NAF1: variants seen among roughly 807,000 people sequenced by gnomAD.
NAF1 encodes the protein H/ACA ribonucleoprotein complex non-core subunit NAF1.
A neutral mutation model predicts 40.6 loss-of-function variants in NAF1; 11 were observed. The observed-to-expected ratio is 0.27, with a 90% CI of 0.17 to 0.45. The LOEUF (loss-of-function observed/expected upper bound fraction) is 0.45. Ranked by LOEUF, NAF1 falls within the 20% of genes least tolerant of loss-of-function variation. The probability of loss-of-function intolerance (pLI) is 1.00; values close to 1 mark genes in which losing one functional copy is unlikely to be tolerated. For missense variants in NAF1, 607 were observed against 611.1 expected, an observed-to-expected ratio of 0.99 and a Z score of 0.07; for synonymous variants, 260 against 228.5, an observed-to-expected ratio of 1.14 and a Z score of -1.24.
chr4:163,156,245 A>T (rs1731981116), intron 2 of NAF1, among the ~76,000 whole-genome samples: 1 of 117,408 alleles, frequency 8.5e-6, no homozygotes, highest in Non-Finnish European at 1.8e-5. Flanking sequence ...AAAGAATTAG[A>T]TGTAAAAGGC....
chr4:163,150,490 A>G (rs1291595047), intron 2 of NAF1, among the ~76,000 whole-genome samples: 2 of 152,154 alleles, frequency 1.3e-5, no homozygotes, highest in Non-Finnish European at 2.9e-5. Flanking sequence ...AATACAAGGT[A>G]CCCTTTTTAC....
Position 163,118,076 on chromosome 4 carries a change from G to A in NAF1, c.115-7786C>T, listed in dbSNP as rs183489917. On this transcript the variant is annotated intron_variant, in intron 2 of 2. Transcript: ENST00000509434. ...ATGAACAACTGACCTGGAAATCTGT[G>A]CTAAAATAGGTTTATGATACCTTGT... is the stretch of plus-strand genomic sequence containing the variant. Among the ~76,000 whole-genome samples the A allele has an allele frequency of 1.8e-3, 274 of 152,100 alleles. 1 individual carries two copies. Among genetic ancestry groups the A allele is most frequent in the Middle Eastern group, 3.4e-3 (1 of 294 alleles).
intron 3 of NAF1, among the ~76,000 whole-genome samples, chr4:163,147,772 A>G (rs1019075354): frequency 6.6e-6 from 1 of 152,202 alleles, no homozygotes; most frequent in Non-Finnish European, 1.5e-5. Context: ...CAATCTAAAA[A>G]GTCTTTAAAA....
At chr4:163,146,533 G>A (rs749058962) in intron 3 of NAF1, among the ~76,000 whole-genome samples, 2 of 152,128 alleles carry the variant, frequency 1.3e-5, no homozygotes, top group Non-Finnish European at 2.9e-5. Flanking sequence ...GAACATCAGA[G>A]CCACAAGTAA....
downstream of NAF1, among the ~76,000 whole-genome samples, chr4:163,126,539 G>T (rs1396697921): frequency 1.3e-5 from 2 of 152,186 alleles, 1 homozygote; most frequent in Admixed American, 1.3e-4. Flanking sequence ...TACTTCTTAT[G>T]CATAAGCAAA....
rs543542998 is a variant in NAF1, at chr4:163,154,193, C to G, written c.541-5759G>C. On this transcript the variant is annotated intron_variant, in intron 2 of 7. Transcript: ENST00000274054. ...GCTTCATTCTTGAAGTCAGTGAGAC[C>G]AAGAACCTACCAATTCCGGACACAC... Among the ~76,000 whole-genome samples, 5 of 152,290 alleles carry G rather than the reference C, an allele frequency of 3.3e-5. No homozygotes were observed. In the South Asian group the frequency reaches 1.0e-3, roughly 32 times the overall value.
downstream of NAF1, among the ~76,000 whole-genome samples, chr4:163,122,165 A>C (rs914644658): frequency 7.2e-5 from 11 of 152,232 alleles, no homozygotes; most frequent in African/African-American, 2.7e-4. Flanking sequence ...GTTCCTTAAA[A>C]CATACAGTAA....
chr4:163,166,356 A>C lies in NAF1; in HGVS notation c.365+7T>G, dbSNP rs773448612. 6.3e-7 allele frequency: 1 copy of C among 1,585,862 alleles called. No homozygotes were observed. The highest frequency in any genetic ancestry group is 8.6e-7 in the Non-Finnish European group (1 of 1,165,596). ...CCCCACAGCTCCGGGTCCCTTAGGC[A>C]CCCGACCTGTCCGAGTCCGAATCCG... is the stretch of plus-strand genomic sequence containing the variant. On this transcript the variant is annotated splice_region_variant and intron_variant, in intron 1 of 7. Coordinates refer to ENST00000274054, the MANE Select transcript of NAF1 (RefSeq NM_138386.3).
intron 4 of NAF1, among the ~76,000 whole-genome samples, chr4:163,144,256 G>A (rs1731373707): frequency 6.6e-6 from 1 of 152,110 alleles, no homozygotes; most frequent in South Asian, 2.1e-4. Flanking sequence ...GAGGTGGAAG[G>A]GAAATGAACC....
chr4:163,118,720 T>C lies in NAF1; in HGVS notation c.115-8430A>G, dbSNP rs148285383. On this transcript the variant is annotated intron_variant, in intron 2 of 2. Coordinates refer to the NAF1 transcript ENST00000509434. Reference sequence around the variant, plus strand: ...GTGAGCCAATATCGCACCATTGCACTCCAGGCTGGGCGACAGAGAGAGACG... The same window carrying C: ...GTGAGCCAATATCGCACCATTGCACCCCAGGCTGGGCGACAGAGAGAGACG... 9.4e-3 allele frequency among the ~76,000 whole-genome samples: 1,428 copies of C among 151,762 alleles called. 48 individuals are homozygous for C. Among genetic ancestry groups the C allele is most frequent in the Admixed American group, 0.06 (908 of 15,244 alleles).
At position 163,128,949 on chromosome 4, in the gene NAF1, G is replaced by A. The variant is rs753585173; in HGVS notation, c.1433C>T (p.Pro478Leu). The A allele has an allele frequency of 3.3e-6, 5 of 1,514,358 alleles. No homozygotes were observed. In the South Asian group the frequency reaches 6.1e-5, roughly 18 times the overall value. 93.8% of individuals were successfully genotyped at this position (1,514,358 alleles called of 1,614,324 possible). ...LPPPPPPPPL[P>L]PPPSSGDSNS... is the part of the protein sequence containing the mutation. ...ACTATCTCCAGAAGAGGGTGGAGGA[G>A]GCAGTGGTGGAGGGGGAGGGGGTGG... Residue 478 changes from proline to leucine, a missense_variant, in exon 8 of 8, where the codon CCT becomes CTT. This residue lies in a region of NAF1 where 189 missense variants were observed against 216.6 expected (regional missense o/e 0.87). Transcript: ENST00000274054.
chr4:163,113,075 T>C (rs1481905075), intron 2 of NAF1, among the ~76,000 whole-genome samples: 1 of 152,156 alleles, frequency 6.6e-6, no homozygotes, highest in Non-Finnish European at 1.5e-5. Flanking sequence ...GGAGGCCAGA[T>C]TATTTAGAGA....
At chr4:163,161,759 T>A (rs1217547458) in intron 2 of NAF1, among the ~76,000 whole-genome samples, 1 of 152,214 alleles carries the variant, frequency 6.6e-6, no homozygotes. Context: ...GTATAATCCG[T>A]TGTTACTGTC....
Position 163,128,884 on chromosome 4 carries a change from A to T in NAF1, c.*13T>A. 2 of 1,488,144 alleles carry T rather than the reference A, an allele frequency of 1.3e-6. No homozygotes were observed. The highest frequency in any genetic ancestry group is 1.8e-6 in the Non-Finnish European group (2 of 1,117,588). 92.2% of individuals were successfully genotyped at this position (1,488,144 alleles called of 1,614,324 possible). A position where few individuals can be genotyped will look rare whatever the true frequency, so the allele number is the denominator to read the frequency against. On this transcript the variant is annotated 3_prime_UTR_variant, in exon 8 of 8. Coordinates refer to ENST00000274054, the MANE Select transcript of NAF1 (RefSeq NM_138386.3). The stretch of plus-strand genomic sequence containing the variant: ...TATGAAAAGTCCACATTTCTCTGGA[A>T]ATGCATAGTCACCTAATAGTAAGGT...
intron 2 of NAF1, among the ~76,000 whole-genome samples, chr4:163,116,192 CTAAT>C (rs1386455457): frequency 3.3e-5 from 5 of 152,124 alleles, no homozygotes; most frequent in South Asian, 2.1e-4. Context: ...CAGTTTCCAA[CTAAT>C]TAATAGGTCC....
downstream of NAF1, among the ~76,000 whole-genome samples, chr4:163,107,539 T>C (rs1334232038): frequency 6.6e-6 from 1 of 152,314 alleles, no homozygotes; most frequent in Non-Finnish European, 1.5e-5. Flanking sequence ...ATTCAAACAA[T>C]ATGGACCTCA....
intron 2 of NAF1, among the ~76,000 whole-genome samples, chr4:163,153,284 G>A (rs190690054): frequency 9.8e-5 from 15 of 152,348 alleles, no homozygotes; most frequent in East Asian, 1.9e-4. Context: ...GGTGCAGTGC[G>A]GGATCCACTG....
At chr4:163,108,480 C>G (rs1730084803), downstream of NAF1, among the ~76,000 whole-genome samples, 1 of 152,104 alleles carries the variant, frequency 6.6e-6, no homozygotes, top group African/African-American at 2.4e-5. Context: ...AAATAATATT[C>G]AAATGTTAAG....
intron 2 of NAF1, among the ~76,000 whole-genome samples, chr4:163,149,584 T>C (rs1409804345): frequency 1.3e-5 from 2 of 152,096 alleles, no homozygotes; most frequent in African/African-American, 4.8e-5. Context: ...CAACATGCCT[T>C]TGTATGGTTA....
Sources: gnomAD v4.1 joint callset for allele counts (sites outside exome capture counted in the v4.1 genomes callset) on GRCh38, gnomAD v4.1.1 for gene constraint, gnomAD v4.1.1 regional missense constraint, MANE v1.5 for transcripts, NCBI Gene and HGNC (gene_info 2026-07-23, HGNC 2026-07-21) for gene names.